The following PTTG1IP2 variants were observed in gnomAD, a reference collection of about 807,000 sequenced individuals.
PTTG1IP2 encodes PTTG1IP family member 2.
intron 6 of PTTG1IP2, among the ~76,000 whole-genome samples, chr7:90,510,400 A>G (rs528952547): frequency 3.9e-5 from 6 of 152,342 alleles, no homozygotes; most frequent in Admixed American, 6.5e-5. Context: ...GGCTCTCTAG[A>G]GTGAATGAAT....
At chr7:90,499,289 T>C (rs1468946595) in intron 6 of PTTG1IP2, among the ~76,000 whole-genome samples, 3 of 152,262 alleles carry the variant, frequency 2.0e-5, no homozygotes, top group Non-Finnish European at 4.4e-5. Flanking sequence ...AAGTACTGCA[T>C]GCAACGGAAA....
At chr7:90,506,941 G>A (rs188949592) in intron 6 of PTTG1IP2, among the ~76,000 whole-genome samples, 61 of 152,190 alleles carry the variant, frequency 4.0e-4, no homozygotes, top group Non-Finnish European at 6.0e-4. Flanking sequence ...ATCTTCTAGA[G>A]GTTTCAGGCA....
intron 2 of PTTG1IP2, among the ~76,000 whole-genome samples, chr7:90,485,439 C>G (rs1341626725): frequency 6.6e-6 from 1 of 152,142 alleles, no homozygotes; most frequent in Non-Finnish European, 1.5e-5. Flanking sequence ...CACACTCCTT[C>G]AAGTTAGCTA....
intron 2 of PTTG1IP2, among the ~76,000 whole-genome samples, chr7:90,483,472 C>T (rs1797836258): frequency 6.6e-6 from 1 of 152,182 alleles, no homozygotes; most frequent in South Asian, 2.1e-4. Flanking sequence ...CTTGTTCCCT[C>T]TATGACAAAT....
At chr7:90,502,805 C>A (rs17865915) in intron 6 of PTTG1IP2, among the ~76,000 whole-genome samples, 1 of 152,042 alleles carries the variant, frequency 6.6e-6, no homozygotes, top group African/African-American at 2.4e-5. Flanking sequence ...TTATAGAGTG[C>A]GGGCAAGTAG....
At chr7:90,497,698 C>T (rs2116102351) in intron 6 of PTTG1IP2, among the ~76,000 whole-genome samples, 1 of 101,060 alleles carries the variant, frequency 9.9e-6, no homozygotes, top group Non-Finnish European at 1.8e-5. Flanking sequence ...GCCTGAGCGA[C>T]AGAGAAAGAC....
At chr7:90,485,786 G>A (rs987033981) in intron 2 of PTTG1IP2, among the ~76,000 whole-genome samples, 2 of 152,278 alleles carry the variant, frequency 1.3e-5, no homozygotes, top group Non-Finnish European at 2.9e-5. Flanking sequence ...TAGCACTTAA[G>A]TGCGCATAGC....
chr7:90,475,874 G>GA (rs1797742311), intron 1 of PTTG1IP2, among the ~76,000 whole-genome samples: 1 of 151,702 alleles, frequency 6.6e-6, no homozygotes, highest in Admixed American at 6.6e-5. Flanking sequence ...CAGGAGGGTG[G>GA]AGTTTGCAGT....
chr7:90,494,932 C>T (rs756031487), intron 6 of PTTG1IP2, among the ~76,000 whole-genome samples: 42 of 152,110 alleles, frequency 2.8e-4, no homozygotes, highest in Non-Finnish European at 5.4e-4. Context: ...ATTGCTTGAG[C>T]TCAAGAGTTG....
chr7:90,481,844 C>T (rs1296523401), intron 2 of PTTG1IP2, among the ~76,000 whole-genome samples: 4 of 152,152 alleles, frequency 2.6e-5, no homozygotes, highest in Non-Finnish European at 5.9e-5. Flanking sequence ...ATTTCCCACA[C>T]ATGGCAAGCA....
At chr7:90,509,114 T>TC (rs1554408398) in intron 6 of PTTG1IP2, among the ~76,000 whole-genome samples, 2 of 45,440 alleles carry the variant, frequency 4.4e-5, no homozygotes, top group Non-Finnish European at 9.0e-5. Flanking sequence ...ATGTGAAGGC[T>TC]TTTTTTTTTT....
At chr7:90,477,168 AAAG>A (rs1797757591) in intron 1 of PTTG1IP2, among the ~76,000 whole-genome samples, 1 of 152,234 alleles carries the variant, frequency 6.6e-6, no homozygotes, top group South Asian at 2.1e-4. Context: ...AATCAAGAGC[AAAG>A]AAGTAACCAG....
At chr7:90,511,927 T>A (rs1798195187) in intron 6 of PTTG1IP2, among the ~76,000 whole-genome samples, 1 of 152,250 alleles carries the variant, frequency 6.6e-6, no homozygotes. Flanking sequence ...CCACTCAGCC[T>A]GGGCATTGCT....
chr7:90,489,395 TA>T (rs1444987803), intron 4 of PTTG1IP2, among the ~76,000 whole-genome samples: 1 of 151,902 alleles, frequency 6.6e-6, no homozygotes, highest in East Asian at 1.9e-4. Context: ...GGGTTGTTAC[TA>T]TTTTTTTCAT....
chr7:90,487,555 A>G (rs1368325144), intron 3 of PTTG1IP2, 135 bp downstream of exon 3: 2 of 152,598 alleles, frequency 1.3e-5, no homozygotes, highest in African/African-American at 4.8e-5. Context: ...CCAAACCACC[A>G]TGGCACATGT....
intron 6 of PTTG1IP2, among the ~76,000 whole-genome samples, chr7:90,505,508 G>A (rs1180031091): frequency 1.3e-5 from 2 of 152,240 alleles, no homozygotes; most frequent in East Asian, 3.8e-4. Flanking sequence ...AAGCAGGCCA[G>A]AGCCTAATGA....
chr7:90,494,797 T>G (rs909975092), intron 6 of PTTG1IP2, among the ~76,000 whole-genome samples: 20 of 152,150 alleles, frequency 1.3e-4, no homozygotes, highest in Non-Finnish European at 2.5e-4. Context: ...TGAGATCACT[T>G]AAGCTCAGTT....
intron 6 of PTTG1IP2, among the ~76,000 whole-genome samples, chr7:90,505,911 G>C (rs1477794398): frequency 6.6e-6 from 1 of 151,062 alleles, no homozygotes; most frequent in Non-Finnish European, 1.5e-5. Context: ...TTGAACCCGG[G>C]AGGCGAAGCT....
intron 2 of PTTG1IP2, among the ~76,000 whole-genome samples, chr7:90,480,410 T>C (rs958764341): frequency 6.6e-6 from 1 of 152,160 alleles, no homozygotes; most frequent in Non-Finnish European, 1.5e-5. Context: ...GTTAAATGTT[T>C]TATAAAGGAA....
Sources: allele counts gnomAD v4.1 joint callset (sites outside exome capture counted in the v4.1 genomes callset), GRCh38; gene constraint gnomAD v4.1.1; transcripts MANE v1.5; gene names NCBI Gene and HGNC (gene_info 2026-07-23, HGNC 2026-07-21).